CDH18: variants seen among roughly 807,000 people sequenced by gnomAD.
The protein encoded by CDH18 is cadherin 18, also known as cadherin-18.
A neutral mutation model predicts 67.9 loss-of-function variants in CDH18; 31 were observed. The observed-to-expected ratio is 0.46, with a 90% CI of 0.34 to 0.62. The LOEUF is 0.62. Ranked by LOEUF, CDH18 falls within the 20% of genes least tolerant of loss-of-function variation. CDH18 has a pLI of 0.01. For synonymous variants in CDH18, 362 were observed against 347.2 expected, an observed-to-expected ratio of 1.04 and a Z score of -0.48; for missense variants, 890 against 975.5, an observed-to-expected ratio of 0.91 and a Z score of 1.17.
intron 2 of CDH18, among the ~76,000 whole-genome samples, chr5:19,913,356 T>C (rs1258134057): frequency 6.6e-6 from 1 of 152,130 alleles, no homozygotes; most frequent in Non-Finnish European, 1.5e-5. Flanking sequence ...TTAGAAGGAA[T>C]TGGTGTGTAG....
intron 2 of CDH18, among the ~76,000 whole-genome samples, chr5:20,088,721 A>G (rs1466167319): frequency 6.6e-6 from 1 of 152,156 alleles, no homozygotes; most frequent in East Asian, 1.9e-4. Context: ...CTTTTTTTCA[A>G]CTTGGCCTCT....
intron 2 of CDH18, among the ~76,000 whole-genome samples, chr5:20,179,435 G>A (rs754718150): frequency 3.3e-5 from 5 of 152,110 alleles, no homozygotes; most frequent in Non-Finnish European, 7.4e-5. Flanking sequence ...AGTAAACTGC[G>A]AAGTACTTAG....
At chr5:19,794,852 A>C (rs1776698654) in intron 3 of CDH18, among the ~76,000 whole-genome samples, 1 of 152,114 alleles carries the variant, frequency 6.6e-6, no homozygotes, top group African/African-American at 2.4e-5. Flanking sequence ...TTCCTTCCTG[A>C]CAAGTACAAT....
At chr5:19,491,229 A>C (rs1387342019) in intron 11 of CDH18, among the ~76,000 whole-genome samples, 1 of 152,198 alleles carries the variant, frequency 6.6e-6, no homozygotes, top group Non-Finnish European at 1.5e-5. Context: ...ACTCAGCAGG[A>C]CACAGTTACA....
chr5:19,679,299 T>C (rs554488948), intron 5 of CDH18, among the ~76,000 whole-genome samples: 3 of 151,946 alleles, frequency 2.0e-5, no homozygotes, highest in Non-Finnish European at 4.4e-5. Flanking sequence ...TGAAGGAACA[T>C]ACTTCAAAAT....
intron 2 of CDH18, among the ~76,000 whole-genome samples, chr5:20,141,083 C>A (rs1750204474): frequency 6.6e-6 from 1 of 152,110 alleles, no homozygotes; most frequent in African/African-American, 2.4e-5. Context: ...ACTCTGCATC[C>A]CCAGGAAGAA....
intron 4 of CDH18, among the ~76,000 whole-genome samples, chr5:19,733,263 C>T (rs945737766): frequency 6.6e-6 from 1 of 152,182 alleles, no homozygotes; most frequent in Non-Finnish European, 1.5e-5. Context: ...TTGAGCTTCA[C>T]CCTTCACCTA....
At chr5:20,349,995 C>G (rs1226727725) in intron 1 of CDH18, among the ~76,000 whole-genome samples, 1 of 152,232 alleles carries the variant, frequency 6.6e-6, no homozygotes, top group Non-Finnish European at 1.5e-5. Flanking sequence ...ATCCTTCCAA[C>G]CTAGCTTACT....
intron 7 of CDH18, among the ~76,000 whole-genome samples, chr5:19,582,114 C>T (rs570479770): frequency 6.6e-6 from 1 of 151,888 alleles, no homozygotes; most frequent in South Asian, 2.1e-4. Context: ...CTTAAGTATA[C>T]ATTATATTAT....
At chr5:19,643,287 C>T (rs2150233060) in intron 5 of CDH18, among the ~76,000 whole-genome samples, 1 of 152,116 alleles carries the variant, frequency 6.6e-6, no homozygotes, top group East Asian at 1.9e-4. Context: ...GTTTCTCAGA[C>T]ATGTAAAAAT....
chr5:19,635,542 G>A (rs1018223297), intron 5 of CDH18, among the ~76,000 whole-genome samples: 1 of 152,136 alleles, frequency 6.6e-6, no homozygotes, highest in Non-Finnish European at 1.5e-5. Context: ...AGTTGCACTG[G>A]ATGGTTGGAA....
intron 2 of CDH18, among the ~76,000 whole-genome samples, chr5:20,109,302 CG>C (rs1747249209): frequency 1.3e-5 from 2 of 152,154 alleles, no homozygotes; most frequent in Non-Finnish European, 2.9e-5. Flanking sequence ...AATGCTCTGA[CG>C]AGAGACACAG....
chr5:20,477,063 G>A (rs1752490918), intron 1 of CDH18, among the ~76,000 whole-genome samples: 1 of 152,110 alleles, frequency 6.6e-6, no homozygotes, highest in South Asian at 2.1e-4. Context: ...ACAGTGTTCT[G>A]TGGATTGCTT....
intron 11 of CDH18, among the ~76,000 whole-genome samples, chr5:19,485,367 T>C (rs1740210587): frequency 6.6e-6 from 1 of 152,120 alleles, no homozygotes; most frequent in African/African-American, 2.4e-5. Context: ...GCCATTCTCC[T>C]GCCTCAGCCT....
intron 2 of CDH18, among the ~76,000 whole-genome samples, chr5:20,124,852 C>T (rs569667996): frequency 6.6e-6 from 1 of 152,074 alleles, no homozygotes; most frequent in Non-Finnish European, 1.5e-5. Context: ...TGACTATATC[C>T]TATATAGCAA....
At chr5:20,410,793 T>C (rs1316075255) in intron 1 of CDH18, among the ~76,000 whole-genome samples, 3 of 151,874 alleles carry the variant, frequency 2.0e-5, no homozygotes, top group Non-Finnish European at 4.4e-5. Context: ...CTTTTCTTTT[T>C]TGGTTTCCAT....
chr5:20,093,495 T>A lies in CDH18; in HGVS notation c.-517-101481A>T, dbSNP rs1432024427. On this transcript the variant is annotated intron_variant, in intron 2 of 14. Coordinates refer to the CDH18 transcript ENST00000507958. ...TAATAATAGTTGCATTGTGTTAGAG[T>A]ATTTGTGTTAACGCTACATTAAACT... Among the ~76,000 whole-genome samples the A allele has an allele frequency of 2.6e-5, 4 of 152,092 alleles. No homozygotes were observed. In the East Asian group the frequency reaches 7.7e-4, roughly 29 times the overall value.
At chr5:20,030,469 T>C (rs560547414) in intron 2 of CDH18, among the ~76,000 whole-genome samples, 6 of 152,276 alleles carry the variant, frequency 3.9e-5, no homozygotes, top group Non-Finnish European at 4.4e-5. Flanking sequence ...CTAGTACCAA[T>C]AAATATTTGT....
intron 1 of CDH18, among the ~76,000 whole-genome samples, chr5:20,565,770 A>G (rs1249161056): frequency 6.6e-6 from 1 of 151,068 alleles, no homozygotes; most frequent in Admixed American, 6.6e-5. Context: ...AAAAAAAAAA[A>G]AGTTCCAGCA....
Sources: gnomAD v4.1 joint callset for allele counts (sites outside exome capture counted in the v4.1 genomes callset) on GRCh38, gnomAD v4.1.1 for gene constraint, MANE v1.5 for transcripts, NCBI Gene and HGNC (gene_info 2026-07-23, HGNC 2026-07-21) for gene names.